GPR19: variants seen among roughly 807,000 people sequenced by gnomAD.
GPR19 encodes the protein probable G protein-coupled receptor 19.
A neutral mutation model predicts 28.5 loss-of-function variants in GPR19; 14 were observed. The ratio of observed to expected loss-of-function variants is 0.49; its 90% CI spans 0.32 to 0.77. The LOEUF is 0.77. Among genes scored for constraint, GPR19 ranks in the 30% least tolerant of loss-of-function variants. GPR19 has a pLI of 0.03. For missense variants in GPR19, 409 were observed against 504.1 expected (o/e 0.81, Z 1.81); for synonymous variants, 173 against 184.1 (o/e 0.94, Z 0.49).
chr12:12,706,468 C>T, the GPR19 span, among the ~76,000 whole-genome samples: 3 of 152,208 alleles, frequency 2.0e-5, no homozygotes, highest in African/African-American at 4.8e-5. Context: ...TATCTAGTCT[C>T]ATAGCTTTAA....
Position 12,662,376 on chromosome 12 carries a change from T to G in GPR19, c.73A>C (p.Asn25His). ...GTGGCTGTTTCAGTGCAGCTGCGGT[T>G]TTGGAGGGGCACCAGAAGTGTAGGA... The part of the protein sequence containing the change: ...IIPTLLVPLQ[N>H]RSCTETATPL... The change falls in exon 4 of 4, where the codon AAC (asparagine) becomes CAC (histidine). Residue 25 changes from asparagine (N) to histidine (H), a missense_variant. Coordinates refer to ENST00000651487, the MANE Select transcript of GPR19 (RefSeq NM_006143.3). 1 of 1,614,182 alleles carries G rather than the reference T, an allele frequency of 6.2e-7. No homozygotes were observed. Among genetic ancestry groups the G allele is most frequent in the East Asian group, 2.2e-5 (1 of 44,878 alleles).
In GPR19 at chr12:12,673,953, A is replaced by G. The variant is rs116853244; in HGVS notation, c.-23+10398T>C. 4.6e-4 allele frequency among the ~76,000 whole-genome samples: 70 copies of G among 152,096 alleles called. No homozygotes were observed. The East Asian group carries it at 0.011, about 24-fold the overall frequency. On this transcript the variant is annotated intron_variant, in intron 3 of 3. Transcript: ENST00000651487. The stretch of plus-strand genomic sequence containing the variant: ...AAGCAGGGAGAATAGTTAACAGGCT[A>G]TTACACCCAGCACTTTGGGAGGCCG...
rs1246621579 is a variant in GPR19, at chr12:12,692,701, T to C, written c.-180+2758A>G. On this transcript the variant is annotated intron_variant, in intron 2 of 3. Transcript: ENST00000651487. The stretch of plus-strand genomic sequence containing the variant: ...AAAGACCTAATTATAGTTGTTTTTT[T>C]TGTTTTTTTTTTTCTCCAACTGGGC... 4.8e-5 allele frequency among the ~76,000 whole-genome samples: 7 copies of C among 147,060 alleles called. No individual in the cohort carries two copies. The South Asian group carries it at 1.3e-3, about 27-fold the overall frequency.
intron 3 of GPR19, among the ~76,000 whole-genome samples, chr12:12,674,306 G>A (rs1945901250): frequency 6.8e-6 from 1 of 148,028 alleles, no homozygotes; most frequent in South Asian, 2.1e-4. Flanking sequence ...AAATTTGCTG[G>A]TTGTGGTGGG....
chr12:12,697,153 T>TAAAAAAAAAAGAAAAAAAA (rs1946277637), upstream of GPR19, among the ~76,000 whole-genome samples: 1 of 48,846 alleles, frequency 2.0e-5, no homozygotes, highest in African/African-American at 7.5e-5. Context: ...TGAAGCGAAG[T>TAAAAAAAAAAGAAAAAAAA]AAAAAAAAAA....
chr12:12,712,851 G>A, the GPR19 span, among the ~76,000 whole-genome samples: 1 of 151,968 alleles, frequency 6.6e-6, no homozygotes, highest in Admixed American at 6.6e-5. Context: ...TAGTTTTTGT[G>A]CACATGGTAT....
At chr12:12,701,550 A>C in the GPR19 span, among the ~76,000 whole-genome samples, 1 of 152,162 alleles carries the variant, frequency 6.6e-6, no homozygotes, top group African/African-American at 2.4e-5. Context: ...TGTCCTTTCT[A>C]TTCACCAAGT....
At chr12:12,668,680 A>G (rs1222782585) in intron 3 of GPR19, among the ~76,000 whole-genome samples, 1 of 30,276 alleles carries the variant, frequency 3.3e-5, no homozygotes, top group Non-Finnish European at 7.6e-5. Context: ...GATTTGGTTG[A>G]AAAAAAAAAA....
the GPR19 span, chr12:12,717,085 C>T: frequency 3.0e-6 from 3 of 1,010,332 alleles, no homozygotes; most frequent in South Asian, 1.4e-4. Context: ...AGGCCCCGCC[C>T]CAGGTTCCCG....
chr12:12,716,964 C>T, the GPR19 span: 1 of 985,368 alleles, frequency 1.0e-6, no homozygotes, highest in South Asian at 4.7e-5. Flanking sequence ...CTGCCGGCGA[C>T]CTTCGCGGTC....
intron 3 of GPR19, among the ~76,000 whole-genome samples, chr12:12,668,676 G>T (rs1178106158): frequency 9.6e-6 from 1 of 104,392 alleles, no homozygotes. Context: ...ACATGATTTG[G>T]TTGAAAAAAA....
Position 12,661,354 on chromosome 12 carries a change from C to T in GPR19, c.1095G>A (p.Arg365=). The T allele has an allele frequency of 6.2e-7, 1 of 1,613,932 alleles. No homozygotes were observed. Among genetic ancestry groups the T allele is most frequent in the Middle Eastern group, 1.6e-4 (1 of 6,062 alleles). The change falls in exon 4 of 4, where the codon AGG becomes AGA. Residue 365 remains arginine (R), a synonymous_variant. Coordinates refer to ENST00000651487, the MANE Select transcript of GPR19 (RefSeq NM_006143.3). This position sits in a 1 kb window ranked among gnomAD's most constrained non-coding sequence, Gnocchi z 4.2. ...SNAYTITTSS[R]MAKKNYVGIS... ...TGCCAACGTAGTTTTTTTTGGCCATCCTTGAACTTGTTGTGATAGTATAGG... is the reference window on the plus strand; with the variant it reads ...TGCCAACGTAGTTTTTTTTGGCCATTCTTGAACTTGTTGTGATAGTATAGG...
chr12:12,716,761 T>C, the GPR19 span: 3 of 985,222 alleles, frequency 3.0e-6, no homozygotes, highest in African/African-American at 1.7e-5. Flanking sequence ...TCCCCAGGGA[T>C]GGCAGAAACT....
At chr12:12,713,986 C>T in the GPR19 span, among the ~76,000 whole-genome samples, 1 of 152,186 alleles carries the variant, frequency 6.6e-6, no homozygotes, top group Non-Finnish European at 1.5e-5. Flanking sequence ...TGTTCATTTT[C>T]TGTCTCCTCT....
chr12:12,716,548 C>G, the GPR19 span, among the ~76,000 whole-genome samples: 3 of 151,476 alleles, frequency 2.0e-5, no homozygotes, highest in Non-Finnish European at 4.4e-5. Flanking sequence ...CCTCGTTTTT[C>G]AAAACTAAAC....
chr12:12,684,986 A>G (rs1230976792), intron 2 of GPR19: 1 of 152,188 alleles, frequency 6.6e-6, no homozygotes, highest in Non-Finnish European at 1.5e-5. Flanking sequence ...TGGAGCGTTC[A>G]GCACCACGGA....
chr12:12,712,890 AAT>A, the GPR19 span, among the ~76,000 whole-genome samples: 1 of 152,004 alleles, frequency 6.6e-6, no homozygotes, highest in Non-Finnish European at 1.5e-5. Flanking sequence ...GACTCTGACA[AAT>A]ATTTCTTCAC....
chr12:12,708,410 A>G, the GPR19 span, among the ~76,000 whole-genome samples: 1 of 152,000 alleles, frequency 6.6e-6, no homozygotes, highest in African/African-American at 2.4e-5. Flanking sequence ...CCCTTCTTGA[A>G]TCTAATTTTT....
intron 3 of GPR19, among the ~76,000 whole-genome samples, chr12:12,663,963 A>G (rs953385131): frequency 6.6e-6 from 1 of 152,190 alleles, no homozygotes; most frequent in Non-Finnish European, 1.5e-5. Context: ...ATTAAATAAT[A>G]GTTCATAATG....
Sources: gnomAD v4.1 joint callset for allele counts (sites outside exome capture counted in the v4.1 genomes callset) on GRCh38, gnomAD v4.1.1 for gene constraint, Gnocchi (gnomAD v3.1) non-coding constraint, MANE v1.5 for transcripts, NCBI Gene and HGNC (gene_info 2026-07-23, HGNC 2026-07-21) for gene names.